The following MGRN1 variants were observed in gnomAD, a reference collection of about 807,000 sequenced individuals.
The protein encoded by MGRN1 is E3 ubiquitin-protein ligase MGRN1.
MGRN1 carries 29 observed loss-of-function variants against 69.2 expected under a neutral mutation model. The observed-to-expected ratio is 0.42, with a 90% CI of 0.31 to 0.57. MGRN1 has a LOEUF of 0.57. MGRN1 is among the 20% of genes least tolerant of loss of function. The pLI is 0.15. For missense variants in MGRN1, 998 were observed against 796.2 expected, an observed-to-expected ratio of 1.25 and a Z score of -3.05; for synonymous variants, 470 against 344.2, an observed-to-expected ratio of 1.37 and a Z score of -4.04.
intron 5 of MGRN1, among the ~76,000 whole-genome samples, chr16:4,658,492 C>T (rs899629736): frequency 7.3e-5 from 11 of 150,920 alleles, no homozygotes; most frequent in African/African-American, 1.2e-4. Context: ...GCCGAGATCA[C>T]GCCACTGCAC....
chr16:4,632,250 T>C (rs1898046798), intron 1 of MGRN1, among the ~76,000 whole-genome samples: 1 of 151,858 alleles, frequency 6.6e-6, no homozygotes, highest in Non-Finnish European at 1.5e-5. Flanking sequence ...TATTGACCTT[T>C]TGACCCGCCT....
At chr16:4,652,143 C>A in intron 3 of MGRN1, 92 bp downstream of exon 3, 1 of 1,290,206 alleles carries the variant, frequency 7.8e-7, no homozygotes, top group Non-Finnish European at 1.1e-6. Context: ...AAAGGGCAGG[C>A]GGGAGGGGCC....
chr16:4,675,295 G>A (rs914531093), intron 10 of MGRN1, among the ~76,000 whole-genome samples: 4 of 151,892 alleles, frequency 2.6e-5, no homozygotes, highest in Non-Finnish European at 4.4e-5. Context: ...TTTTTTTGTA[G>A]AGACAGGGTC....
intron 1 of MGRN1, among the ~76,000 whole-genome samples, chr16:4,630,805 ATTCT>A (rs1415468438): frequency 2.8e-5 from 4 of 142,610 alleles, no homozygotes; most frequent in Non-Finnish European, 4.6e-5. Context: ...TTTAGAGTTA[ATTCT>A]TTTTTTTTTT....
chr16:4,686,634 G>GCCACTGT, intron 16 of MGRN1: 1 of 1,159,706 alleles, frequency 8.6e-7, no homozygotes, highest in Admixed American at 4.5e-5. Context: ...GTGCGCCAGA[G>GCCACTGT]CCACTGTCCA....
At position 4,681,682 on chromosome 16, in the gene MGRN1, G is replaced by A. The variant is rs200303018; in HGVS notation, c.1264G>A (p.Gly422Ser). ...AATCACCTATTCAGGCATCTCGGAC[G>A]GCCTGTCCCAGGCCAGCTGTCCCCT... The part of the protein sequence containing the change: ...EEITYSGISD[G>S]LSQASCPLAA... The change falls in exon 13 of 17, where the codon GGC (glycine) becomes AGC (serine). Residue 422 changes from glycine (G) to serine (S), a missense_variant. Physicochemically the swap from Gly to Ser is moderately conservative, Grantham distance 56. Coordinates refer to ENST00000262370, the MANE Select transcript of MGRN1 (RefSeq NM_015246.4). 26 of 1,613,296 alleles carry A rather than the reference G, an allele frequency of 1.6e-5. No homozygotes were observed. Among genetic ancestry groups the A allele is most frequent in the Admixed American group, 5.0e-5 (3 of 60,008 alleles).
chr16:4,678,079 T>C (rs753342883), intron 11 of MGRN1, among the ~76,000 whole-genome samples: 7 of 152,310 alleles, frequency 4.6e-5, no homozygotes, highest in South Asian at 2.1e-4. Context: ...ACTCTTGGGC[T>C]CAAGTGCTAG....
At chr16:4,683,327 A>G (rs772118142) in intron 15 of MGRN1, 58 bp downstream of exon 15, 21 of 1,594,754 alleles carry the variant, frequency 1.3e-5, no homozygotes, top group Non-Finnish European at 1.6e-5. Flanking sequence ...GCCCTGGCTT[A>G]CTGGGGCCTT....
At chr16:4,676,485 C>G (rs1163009165) in intron 10 of MGRN1, among the ~76,000 whole-genome samples, 1 of 152,194 alleles carries the variant, frequency 6.6e-6, no homozygotes, top group Non-Finnish European at 1.5e-5. Flanking sequence ...GGCCATCAGA[C>G]TGGAGTTCAG....
rs187933118 is a variant in MGRN1 at position 4,668,799 on chromosome 16, C to T, written c.726+487C>T. On this transcript the variant is annotated intron_variant, in intron 8 of 16. Transcript: ENST00000262370. ...AGACATTCATACACATATACACATA[C>T]ACACACGTATACAGACACACACTCA... Among the ~76,000 whole-genome samples the T allele has an allele frequency of 2.6e-3, 389 of 152,066 alleles. 2 individuals carry two copies. The highest frequency in any genetic ancestry group is 9.1e-3 in the African/African-American group (377 of 41,476).
intron 10 of MGRN1, among the ~76,000 whole-genome samples, chr16:4,675,897 G>C (rs879511588): frequency 1.3e-5 from 2 of 151,986 alleles, no homozygotes; most frequent in Non-Finnish European, 2.9e-5. Flanking sequence ...GGAACAACCT[G>C]AATGTTCTCA....
intron 4 of MGRN1, among the ~76,000 whole-genome samples, chr16:4,654,350 T>G (rs1398028552): frequency 2.0e-5 from 3 of 152,346 alleles, no homozygotes; most frequent in Admixed American, 6.5e-5. Context: ...GACCAAATAT[T>G]TATTTTTTAT....
intron 1 of MGRN1, chr16:4,649,816 G>C (rs1274588213): frequency 6.5e-6 from 1 of 154,186 alleles, no homozygotes; most frequent in Non-Finnish European, 1.4e-5. Flanking sequence ...TCCAGGGAAG[G>C]GTGTTGAGGC....
chr16:4,627,467 G>C (rs939257936), intron 1 of MGRN1, among the ~76,000 whole-genome samples: 1 of 152,256 alleles, frequency 6.6e-6, no homozygotes, highest in African/African-American at 2.4e-5. Context: ...AACATGATTT[G>C]ATGATTTTTA....
At chr16:4,670,822 C>T (rs1567220320) in intron 8 of MGRN1, among the ~76,000 whole-genome samples, 1 of 152,244 alleles carries the variant, frequency 6.6e-6, no homozygotes, top group East Asian at 1.9e-4. Context: ...GACCAGCAGG[C>T]CCTGGGCTCC....
At chr16:4,686,157 G>A (rs886545038) in intron 16 of MGRN1, 39 of 1,344,848 alleles carry the variant, frequency 2.9e-5, no homozygotes, top group African/African-American at 2.9e-5. Flanking sequence ...GTTTCTAGAC[G>A]GCCTCGACCG....
chr16:4,660,180 G>T (rs1389793556), intron 5 of MGRN1, among the ~76,000 whole-genome samples: 10 of 152,252 alleles, frequency 6.6e-5, no homozygotes, highest in Admixed American at 6.5e-4. Context: ...GTGTGGAGGG[G>T]CTGGGGGCCC....
At chr16:4,647,549 C>T (rs547835172) in intron 1 of MGRN1, among the ~76,000 whole-genome samples, 6 of 152,350 alleles carry the variant, frequency 3.9e-5, no homozygotes, top group South Asian at 2.1e-4. Context: ...GCCTTGTGGG[C>T]GTGTCCTTCC....
At chr16:4,632,139 C>T (rs1020746594) in intron 1 of MGRN1, among the ~76,000 whole-genome samples, 1 of 150,196 alleles carries the variant, frequency 6.7e-6, no homozygotes, top group South Asian at 2.1e-4. Flanking sequence ...GCCTCAGCCT[C>T]CTGTGTTGCT....
Sources: gnomAD v4.1 joint callset for allele counts (sites outside exome capture counted in the v4.1 genomes callset) on GRCh38, gnomAD v4.1.1 for gene constraint, MANE v1.5 for transcripts, NCBI Gene and HGNC (gene_info 2026-07-23, HGNC 2026-07-21) for gene names.